Variants in THAP12 observed in about 807,000 individuals in gnomAD.
THAP12 encodes 52 kDa repressor of the inhibitor of the protein kinase.
Under a neutral mutation model 63.0 loss-of-function variants are expected in THAP12, and 20 were observed. The observed-to-expected ratio is 0.32, with a 90% CI of 0.22 to 0.46. The LOEUF (loss-of-function observed/expected upper bound fraction) is 0.46, where lower values mean the gene tolerates loss of function less well. Ranked by LOEUF, THAP12 falls within the 20% of genes least tolerant of loss-of-function variation. THAP12 has a pLI of 1.00. For synonymous variants in THAP12, 264 were observed against 328.4 expected (o/e 0.80, Z 2.12); for missense variants, 568 against 908.2 (o/e 0.63, Z 4.81).
At chr11:76,373,182 C>CA (rs1468345621) in intron 1 of THAP12, among the ~76,000 whole-genome samples, 2 of 145,222 alleles carry the variant, frequency 1.4e-5, no homozygotes, top group Non-Finnish European at 3.0e-5. Flanking sequence ...CCTGTCTCTA[C>CA]AAAAAATATA....
chr11:76,373,370 GT>G (rs1175705404), intron 1 of THAP12, among the ~76,000 whole-genome samples: 1 of 150,230 alleles, frequency 6.7e-6, no homozygotes, highest in Non-Finnish European at 1.5e-5. Context: ...GGAAAAAGAA[GT>G]ACTATTATTA....
intron 1 of THAP12, among the ~76,000 whole-genome samples, chr11:76,368,880 T>C (rs1251748448): frequency 6.6e-6 from 1 of 152,288 alleles, no homozygotes; most frequent in East Asian, 1.9e-4. Context: ...ACAGCACAAA[T>C]GCTAGAGGAA....
rs755469338 is a variant in THAP12 at position 76,351,283 on chromosome 11, G to A, written c.1867C>T (p.His623Tyr). The A allele has an allele frequency of 2.0e-5, 31 of 1,575,990 alleles. No homozygotes were observed. The highest frequency in any genetic ancestry group is 2.7e-5 in the Non-Finnish European group (31 of 1,157,330). Residue 623 changes from histidine to tyrosine, a missense_variant, in exon 5 of 5, where the codon CAC (histidine) becomes TAC (tyrosine). Coordinates refer to ENST00000260045, the MANE Select transcript of THAP12 (RefSeq NM_004705.4). ...GQLKFNTSEE[H>Y]HADMYRSDLP... ...TCACTTCTATACATGTCAGCATGGT[G>A]TTCCTCCGACGTATTGAATTTGAGT...
chr11:76,355,617 CT>C lies in THAP12; in HGVS notation c.355del (p.Ile119LeufsTer37). ...GTTGAGTCATTAACACTATCACTTA[CT>C]TTTTTTCTGTTTCAGTGTCCTGATT... ...DEIRTLKQKK[I>X]DETSEQEQKH... is the part of the protein sequence containing the mutation. On this transcript the variant is annotated frameshift_variant and splice_region_variant, in exon 4 of 5. Transcript: ENST00000260045. LOFTEE classifies it high-confidence loss of function. 1.3e-6 allele frequency: 2 copies of C among 1,597,280 alleles called. No homozygotes were observed. The highest frequency in any genetic ancestry group is 1.7e-6 in the Non-Finnish European group (2 of 1,173,154).
rs1299557125 is a variant in THAP12, at chr11:76,351,629, G to A, written c.1521C>T (p.Val507=). 1.3e-6 allele frequency: 2 copies of A among 1,579,580 alleles called. No homozygotes were observed. Among genetic ancestry groups the A allele is most frequent in the Non-Finnish European group, 1.7e-6 (2 of 1,161,584 alleles). ...GKNLQGQTSD[V]FFAAGSLTAV... ...CAGTCAAGCTACCGGCCGCAAAGAA[G>A]ACATCAGAGGTTTGCCCCTGGAGGT... Residue 507 remains valine (V), a synonymous_variant, in exon 5 of 5, where the codon GTC becomes GTT. Transcript: ENST00000260045.
At chr11:76,360,701 G>A (rs921919807) in intron 3 of THAP12, among the ~76,000 whole-genome samples, 1 of 152,150 alleles carries the variant, frequency 6.6e-6, no homozygotes, top group Admixed American at 6.5e-5. Flanking sequence ...GAATGAGCTA[G>A]TGGCCTGTAA....
At chr11:76,360,876 A>C in intron 3 of THAP12, 80 bp downstream of exon 3, 1 of 964,858 alleles carries the variant, frequency 1.0e-6, no homozygotes. Context: ...AATTTGGATT[A>C]ATTTTAACAT....
At chr11:76,376,128 T>C (rs1946708191) in intron 1 of THAP12, among the ~76,000 whole-genome samples, 1 of 152,130 alleles carries the variant, frequency 6.6e-6, no homozygotes, top group African/African-American at 2.4e-5. Context: ...TTGAAAATAG[T>C]GGAGAAGGTT....
chr11:76,362,319 A>C (rs916519813), intron 2 of THAP12, among the ~76,000 whole-genome samples: 2 of 152,270 alleles, frequency 1.3e-5, no homozygotes, highest in Non-Finnish European at 2.9e-5. Flanking sequence ...AACAACTTCT[A>C]AATTTGTTCA....
intron 1 of THAP12, among the ~76,000 whole-genome samples, chr11:76,375,847 A>T (rs1026390876): frequency 8.5e-5 from 13 of 152,112 alleles, no homozygotes; most frequent in African/African-American, 3.1e-4. Flanking sequence ...CACTGGGCAC[A>T]GTGAAATGGA....
chr11:76,351,221 A>G lies in THAP12; in HGVS notation c.1929T>C (p.His643=), dbSNP rs746773184. Residue 643 remains histidine (H), a synonymous_variant, in exon 5 of 5, where the codon CAT becomes CAC. Coordinates refer to ENST00000260045, the MANE Select transcript of THAP12 (RefSeq NM_004705.4). ...PNPDTLSAEL[H]CWRIKWKHRG... ...TGTGTTTCCATTTGATTCTCCAACAATGAAGCTCAGCTGACAGCGTGTCAG... is the reference window on the plus strand; with the variant it reads ...TGTGTTTCCATTTGATTCTCCAACAGTGAAGCTCAGCTGACAGCGTGTCAG... The G allele has an allele frequency of 1.9e-6, 3 of 1,555,680 alleles. No homozygotes were observed.
chr11:76,369,375 C>G (rs897820528), intron 1 of THAP12, among the ~76,000 whole-genome samples: 5 of 152,198 alleles, frequency 3.3e-5, no homozygotes, highest in African/African-American at 1.2e-4. Flanking sequence ...TAATGTTAAG[C>G]AGAAGAAGCC....
At chr11:76,368,716 A>G (rs895829735) in intron 1 of THAP12, 3 of 152,180 alleles carry the variant, frequency 2.0e-5, no homozygotes, top group African/African-American at 4.8e-5. Context: ...TATCTACATG[A>G]AAAAAATAAA....
rs1946515871 is a variant in THAP12 at position 76,350,283 on chromosome 11, G to A, written c.*581C>T. The A allele has an allele frequency of 6.6e-6, 1 of 152,372 alleles. No individual in the cohort carries two copies. Among genetic ancestry groups the A allele is most frequent in the Non-Finnish European group, 1.5e-5 (1 of 68,048 alleles). 9.4% of individuals were successfully genotyped at this position (152,372 alleles called of 1,614,324 possible). A position where few individuals can be genotyped will look rare whatever the true frequency, so the allele number is the denominator to read the frequency against. On this transcript the variant is annotated 3_prime_UTR_variant, in exon 5 of 5. Transcript: ENST00000260045. ...AAAGGAATGTAAACAGCAACGAGAT[G>A]TGGAACAACAGCAGGCTTTTCCATT...
At chr11:76,365,821 CAG>C in intron 2 of THAP12, 29 bp downstream of exon 2, 1 of 1,601,228 alleles carries the variant, frequency 6.2e-7, no homozygotes, top group South Asian at 1.1e-5. Context: ...TCAAGTCAAA[CAG>C]AGAGACACCA....
intron 4 of THAP12, among the ~76,000 whole-genome samples, chr11:76,353,074 G>A (rs918780165): frequency 2.6e-5 from 4 of 151,786 alleles, no homozygotes; most frequent in Admixed American, 1.3e-4. Flanking sequence ...GAAGTAGAGC[G>A]GGGAGTCTCA....
intron 4 of THAP12, among the ~76,000 whole-genome samples, chr11:76,354,380 G>C (rs572605718): frequency 2.0e-5 from 3 of 152,328 alleles, no homozygotes; most frequent in East Asian, 1.9e-4. Flanking sequence ...ACGCCTGCCT[G>C]TCTGGCTCCC....
rs1331426624 is a variant in THAP12 at position 76,351,967 on chromosome 11, G to T, written c.1183C>A (p.Pro395Thr). 6.2e-6 allele frequency: 10 copies of T among 1,605,640 alleles called. No homozygotes were observed. Among genetic ancestry groups the T allele is most frequent in the Non-Finnish European group, 8.5e-6 (10 of 1,177,670 alleles). ...EEVCSFFHRS[P>T]QLLLELDNVI... is the part of the protein sequence containing the mutation. ...TTGTCAAGTTCTAAAAGCAGTTGTGGTGATCGATGGAAAAAAGAACAAACT... is the reference window on the plus strand; with the variant it reads ...TTGTCAAGTTCTAAAAGCAGTTGTGTTGATCGATGGAAAAAAGAACAAACT... Residue 395 changes from proline (P) to threonine (T), a missense_variant, in exon 5 of 5, where the codon CCA (proline) becomes ACA (threonine). By Grantham distance (38) the Pro-to-Thr change is conservative (BLOSUM62 -1). Coordinates refer to ENST00000260045, the MANE Select transcript of THAP12 (RefSeq NM_004705.4).
intron 2 of THAP12, among the ~76,000 whole-genome samples, chr11:76,362,797 T>C (rs1474277048): frequency 6.6e-6 from 1 of 152,184 alleles, no homozygotes; most frequent in Non-Finnish European, 1.5e-5. Context: ...AAAGCAAAGA[T>C]ATTATAGATC....
Sources: allele counts gnomAD v4.1 joint callset (sites outside exome capture counted in the v4.1 genomes callset), GRCh38; gene constraint gnomAD v4.1.1; transcripts MANE v1.5; gene names NCBI Gene and HGNC (gene_info 2026-07-23, HGNC 2026-07-21).